ARHGAP44: variants seen among roughly 807,000 people sequenced by gnomAD.
ARHGAP44 encodes the protein rho GTPase-activating protein 44.
A neutral mutation model predicts 106.8 loss-of-function variants in ARHGAP44; 43 were observed. The observed-to-expected ratio is 0.40, with a 90% CI of 0.32 to 0.52. ARHGAP44 has a LOEUF of 0.52. Among genes scored for constraint, ARHGAP44 ranks in the 20% least tolerant of loss-of-function variants. The pLI is 0.48. For synonymous variants in ARHGAP44, 439 were observed against 410.3 expected, an observed-to-expected ratio of 1.07 and a Z score of -0.85; for missense variants, 866 against 1,050.5, an observed-to-expected ratio of 0.82 and a Z score of 2.43.
chr17:12,906,362 G>T (rs889760149), intron 3 of ARHGAP44, among the ~76,000 whole-genome samples: 2 of 152,050 alleles, frequency 1.3e-5, no homozygotes, highest in African/African-American at 4.8e-5. Context: ...GTCAGATCCC[G>T]CAGGTTAAGG....
intron 7 of ARHGAP44, among the ~76,000 whole-genome samples, chr17:12,938,920 T>C (rs1185370450): frequency 6.6e-6 from 1 of 152,178 alleles, no homozygotes; most frequent in Non-Finnish European, 1.5e-5. Context: ...GGGTCATCTG[T>C]TAGAGAAGCA....
intron 19 of ARHGAP44, 43 bp downstream of exon 19, chr17:12,980,276 G>A: frequency 6.4e-7 from 1 of 1,554,778 alleles, no homozygotes; most frequent in Non-Finnish European, 8.7e-7. Context: ...GGCCGGAGGT[G>A]GCTGTGACAT....
intron 10 of ARHGAP44, 74 bp downstream of exon 10, chr17:12,944,270 T>TCTCC: frequency 1.4e-6 from 2 of 1,467,406 alleles, no homozygotes; most frequent in South Asian, 2.9e-5. Context: ...CAGGATCCTC[T>TCTCC]CTCCTGTACC....
At chr17:12,796,391 G>C (rs952232237) in intron 1 of ARHGAP44, among the ~76,000 whole-genome samples, 1 of 152,182 alleles carries the variant, frequency 6.6e-6, no homozygotes, top group African/African-American at 2.4e-5. Context: ...TCTTAGAAAT[G>C]TAATTGCTGG....
intron 1 of ARHGAP44, among the ~76,000 whole-genome samples, chr17:12,833,336 A>G (rs1332007266): frequency 6.6e-6 from 1 of 152,196 alleles, no homozygotes; most frequent in Non-Finnish European, 1.5e-5. Context: ...AGTCCTGATG[A>G]CATAATAACC....
intron 1 of ARHGAP44, among the ~76,000 whole-genome samples, chr17:12,842,980 AGCGGCCATCCTTATATGCTGAG>A (rs532767441): frequency 9.9e-5 from 15 of 152,278 alleles, no homozygotes; most frequent in African/African-American, 3.6e-4. Context: ...GCTTTGCTGA[AGCGGCCATCCTTATATGCTGAG>A]GCTGGGAGAG....
At chr17:12,842,938 G>T (rs1048606567) in intron 1 of ARHGAP44, among the ~76,000 whole-genome samples, 1 of 152,106 alleles carries the variant, frequency 6.6e-6, no homozygotes, top group Non-Finnish European at 1.5e-5. Flanking sequence ...ACCTCTAGGT[G>T]CAGAAGGTCA....
chr17:12,802,049 T>G (rs1459071547), intron 1 of ARHGAP44, among the ~76,000 whole-genome samples: 1 of 152,218 alleles, frequency 6.6e-6, no homozygotes, highest in Non-Finnish European at 1.5e-5. Flanking sequence ...ATCTCTTATC[T>G]TTAATGTTCT....
At chr17:12,919,140 C>T (rs1010937188) in intron 5 of ARHGAP44, among the ~76,000 whole-genome samples, 1 of 152,032 alleles carries the variant, frequency 6.6e-6, no homozygotes, top group African/African-American at 2.4e-5. Flanking sequence ...TCAGCGTACT[C>T]ACCATCAAAA....
At chr17:12,876,715 A>G (rs2036566354) in intron 1 of ARHGAP44, among the ~76,000 whole-genome samples, 1 of 151,956 alleles carries the variant, frequency 6.6e-6, no homozygotes, top group Non-Finnish European at 1.5e-5. Context: ...GATCGAGACC[A>G]TCCTGGCCAA....
chr17:12,939,986 C>T (rs2038662372), intron 7 of ARHGAP44, among the ~76,000 whole-genome samples: 1 of 152,174 alleles, frequency 6.6e-6, no homozygotes, highest in Admixed American at 6.5e-5. Context: ...CTGCAAATCC[C>T]AGTGTTCTTA....
intron 7 of ARHGAP44, among the ~76,000 whole-genome samples, chr17:12,940,544 C>G (rs771397844): frequency 4.6e-5 from 7 of 152,198 alleles, no homozygotes; most frequent in Non-Finnish European, 8.8e-5. Context: ...CAATCCTTTC[C>G]CTGTGCACCT....
intron 1 of ARHGAP44, among the ~76,000 whole-genome samples, chr17:12,867,089 A>G (rs1293234956): frequency 6.6e-6 from 1 of 151,578 alleles, no homozygotes; most frequent in African/African-American, 2.4e-5. Flanking sequence ...ATACTTATGA[A>G]GAATGTGGAA....
chr17:12,962,205 A>ATTTGTGT (rs1355167247), intron 16 of ARHGAP44, among the ~76,000 whole-genome samples: 135 of 152,302 alleles, frequency 8.9e-4, no homozygotes, highest in African/African-American at 3.1e-3. Context: ...TGTCAGTGAC[A>ATTTGTGT]CTTTCCTAGG....
intron 1 of ARHGAP44, among the ~76,000 whole-genome samples, chr17:12,862,008 A>C (rs1303209215): frequency 6.6e-6 from 1 of 152,098 alleles, no homozygotes. Flanking sequence ...TGCTTATCTC[A>C]GTGTCTATCT....
intron 4 of ARHGAP44, 129 bp downstream of exon 4, chr17:12,909,102 T>C: frequency 1.3e-6 from 1 of 759,724 alleles, no homozygotes; most frequent in Non-Finnish European, 2.1e-6. Flanking sequence ...AAGGAAAATG[T>C]TACCAGTAGG....
At chr17:12,975,795 C>CAAAAAAAAAAAA (rs57364760) in intron 18 of ARHGAP44, among the ~76,000 whole-genome samples, 1 of 69,400 alleles carries the variant, frequency 1.4e-5, no homozygotes, top group Non-Finnish European at 2.6e-5. Flanking sequence ...GACTCCGTCT[C>CAAAAAAAAAAAA]AAAAAAAAAA....
At chr17:12,989,101 CAAAAAAAA>C (rs71144942) in intron 20 of ARHGAP44, among the ~76,000 whole-genome samples, 5 of 45,162 alleles carry the variant, frequency 1.1e-4, no homozygotes, top group South Asian at 1.3e-3. Flanking sequence ...CCACCCCCCC[CAAAAAAAA>C]AAAAAAAAAA....
At chr17:12,821,397 C>A (rs1237522590) in intron 1 of ARHGAP44, among the ~76,000 whole-genome samples, 3 of 152,170 alleles carry the variant, frequency 2.0e-5, no homozygotes, top group Non-Finnish European at 4.4e-5. Flanking sequence ...TAAAAAAGTT[C>A]TAAATGTGCC....
Sources: gnomAD v4.1 joint callset for allele counts (sites outside exome capture counted in the v4.1 genomes callset) on GRCh38, gnomAD v4.1.1 for gene constraint, MANE v1.5 for transcripts, NCBI Gene and HGNC (gene_info 2026-07-23, HGNC 2026-07-21) for gene names.